The following KIF23 variants were observed in gnomAD, a reference collection of about 807,000 sequenced individuals.
KIF23 encodes kinesin family member 23.
A neutral mutation model predicts 137.5 loss-of-function variants in KIF23; 30 were observed. The observed-to-expected ratio is 0.22, with a 90% CI of 0.16 to 0.30. The LOEUF (loss-of-function observed/expected upper bound fraction) is 0.30. KIF23 is among the 10% of genes least tolerant of loss of function. The pLI is 1.00. For missense variants in KIF23, 920 were observed against 1,194.3 expected, an observed-to-expected ratio of 0.77 and a Z score of 3.38; for synonymous variants, 367 against 391.1, an observed-to-expected ratio of 0.94 and a Z score of 0.73.
chr15:69,422,290 C>A (rs368234501), intron 5 of KIF23, 36 bp from the exon 6 acceptor site: 1 of 1,438,768 alleles, frequency 7.0e-7, no homozygotes, highest in Non-Finnish European at 9.6e-7. Flanking sequence ...TTCTAAAAAA[C>A]GTGGTGTGAT....
In KIF23 at chr15:69,426,091, T is replaced by A. The variant is rs375763515; in HGVS notation, c.798T>A (p.Leu266=). ...TDFVPPQSKL[L]REDKNHNMYV... Reference sequence around the variant, plus strand: ...ATAGACCTCCACAATCTAAATTGCTTCGTGAAGATAAGAACCATAACATGT... The same window carrying A: ...ATAGACCTCCACAATCTAAATTGCTACGTGAAGATAAGAACCATAACATGT... The change falls in exon 9 of 24, where the codon CTT becomes CTA. Residue 266 remains leucine, a synonymous_variant. Transcript: ENST00000679126. 1.0e-4 allele frequency: 165 copies of A among 1,590,936 alleles called. No homozygotes were observed. The highest frequency in any genetic ancestry group is 1.4e-4 in the Admixed American group (7 of 51,446).
chr15:69,447,509 A>G (rs910222619), intron 23 of KIF23, among the ~76,000 whole-genome samples: 1 of 152,162 alleles, frequency 6.6e-6, no homozygotes, highest in African/African-American at 2.4e-5. Context: ...CACATGTTAT[A>G]TACATATATG....
chr15:69,433,413 G>A (rs1055222709), intron 11 of KIF23, among the ~76,000 whole-genome samples: 11 of 152,180 alleles, frequency 7.2e-5, no homozygotes, highest in African/African-American at 2.2e-4. Flanking sequence ...AAATAAGAGT[G>A]GTCAGAAGTA....
chr15:69,447,158 A>G (rs546011799), intron 23 of KIF23, among the ~76,000 whole-genome samples: 2 of 152,358 alleles, frequency 1.3e-5, no homozygotes, highest in African/African-American at 4.8e-5. Context: ...CAGAGCTGCA[A>G]GGCAGGCGGT....
intron 10 of KIF23, among the ~76,000 whole-genome samples, chr15:69,427,194 T>A (rs1472823852): frequency 6.6e-6 from 1 of 152,086 alleles, no homozygotes; most frequent in African/African-American, 2.4e-5. Context: ...AGGATGTGCA[T>A]AGGTCATATG....
intron 4 of KIF23, 70 bp downstream of exon 4, chr15:69,421,822 T>C: frequency 1.5e-6 from 2 of 1,323,948 alleles, no homozygotes; most frequent in South Asian, 2.5e-5. Flanking sequence ...TTTTTTGATA[T>C]TTATATATTT....
intron 15 of KIF23, 93 bp downstream of exon 15, chr15:69,436,815 C>A: frequency 1.3e-6 from 1 of 779,158 alleles, no homozygotes; most frequent in Non-Finnish European, 1.8e-6. Flanking sequence ...AGTGCAGTGG[C>A]ACAATCTCGG....
Position 69,444,901 on chromosome 15 carries a change from G to A in KIF23, c.2533G>A (p.Glu845Lys). ...DHKPASNMQT[E>K]TVMQPHVPHA... ...TAAGCCCGCCTCTAACATGCAAACTGAAACAGTCATGCAGCCACATGTCCC... is the reference window on the plus strand; with the variant it reads ...TAAGCCCGCCTCTAACATGCAAACTAAAACAGTCATGCAGCCACATGTCCC... Residue 845 changes from glutamate to lysine, a missense_variant, in exon 20 of 24, where the codon GAA becomes AAA. Transcript: ENST00000679126. The surrounding 1 kb of genome is among the most constrained non-coding windows in gnomAD (Gnocchi z 4.2). The A allele has an allele frequency of 6.2e-7, 1 of 1,614,166 alleles. No homozygotes were observed. The highest frequency in any genetic ancestry group is 8.5e-7 in the Non-Finnish European group (1 of 1,180,036).
intron 20 of KIF23, among the ~76,000 whole-genome samples, chr15:69,445,381 A>AAAAAAC (rs1207795622): frequency 6.6e-6 from 1 of 152,162 alleles, no homozygotes; most frequent in Non-Finnish European, 1.5e-5. Flanking sequence ...GTTCAAGATA[A>AAAAAAC]AAAAACAAAA....
At chr15:69,437,689 G>GAC (rs2057517051) in intron 15 of KIF23, among the ~76,000 whole-genome samples, 7 of 152,094 alleles carry the variant, frequency 4.6e-5, no homozygotes, top group African/African-American at 1.4e-4. Flanking sequence ...TCAAACTCCT[G>GAC]ACATCGTGAT....
intron 19 of KIF23, among the ~76,000 whole-genome samples, chr15:69,443,244 T>C (rs1053032404): frequency 6.6e-6 from 1 of 151,988 alleles, no homozygotes; most frequent in South Asian, 2.1e-4. Flanking sequence ...CATTTTGAAA[T>C]TGAGGTCTTC....
chr15:69,428,845 A>G (rs2057280344), intron 10 of KIF23, among the ~76,000 whole-genome samples: 3 of 152,092 alleles, frequency 2.0e-5, no homozygotes, highest in African/African-American at 4.8e-5. Flanking sequence ...TAAGGTAGTA[A>G]AAGACAGAGT....
At chr15:69,441,119 T>G (rs201366467) in intron 19 of KIF23, 40 bp downstream of exon 19, 1 of 1,504,072 alleles carries the variant, frequency 6.6e-7, no homozygotes, top group East Asian at 2.3e-5. Context: ...TAGCAATAGA[T>G]TTTATCTTCT....
intron 1 of KIF23, chr15:69,415,071 A>G (rs1238420203): frequency 1.3e-5 from 2 of 152,246 alleles, no homozygotes; most frequent in African/African-American, 4.8e-5. Context: ...CTCCGCCCAC[A>G]TTCCTAAGCT....
At chr15:69,429,962 A>G (rs550531874) in intron 11 of KIF23, among the ~76,000 whole-genome samples, 15 of 152,224 alleles carry the variant, frequency 9.9e-5, no homozygotes, top group African/African-American at 3.6e-4. Context: ...GACTGCAGCA[A>G]TCCCTGATCT....
Position 69,446,276 on chromosome 15 carries a change from T to C in KIF23, c.2757-7T>C. 4 of 1,613,566 alleles carry C rather than the reference T, an allele frequency of 2.5e-6. No individual in the cohort carries two copies. In the East Asian group the frequency reaches 8.9e-5, roughly 36 times the overall value. On this transcript the variant is annotated splice_polypyrimidine_tract_variant and splice_region_variant and intron_variant, in intron 21 of 23. Transcript: ENST00000679126. ...ATAATTGTTGCATCATGTTTCCCCT[T>C]TTTCAGTAGTCGAAAACGAAGATCT...
At chr15:69,441,227 T>TA (rs1276393850) in intron 19 of KIF23, 148 bp downstream of exon 19, 1 of 787,510 alleles carries the variant, frequency 1.3e-6, no homozygotes, top group Non-Finnish European at 2.0e-6. Context: ...AAGATTGACT[T>TA]ACGGAAATTG....
At position 69,444,621 on chromosome 15, in the gene KIF23, G is replaced by A. The variant is rs1432197239; in HGVS notation, c.2422-169G>A. On this transcript the variant is annotated intron_variant, in intron 19 of 23. Transcript: ENST00000679126. This position sits in a 1 kb window ranked among gnomAD's most constrained non-coding sequence, Gnocchi z 4.2. ...GTGTAACATACAAGTTGGTGTTAAAGATGTTTGTTGGTTTTGTGTTTAAAT... is the reference window on the plus strand; with the variant it reads ...GTGTAACATACAAGTTGGTGTTAAAAATGTTTGTTGGTTTTGTGTTTAAAT... 1.5e-6 allele frequency: 1 copy of A among 646,482 alleles called. No individual in the cohort carries two copies. Among genetic ancestry groups the A allele is most frequent in the Non-Finnish European group, 2.6e-6 (1 of 389,380 alleles). The allele number at this position is 646,482 out of a possible 1,614,324, so 40.0% of individuals were successfully genotyped here.
At chr15:69,424,358 G>A (rs1595987663) in intron 7 of KIF23, among the ~76,000 whole-genome samples, 1 of 152,156 alleles carries the variant, frequency 6.6e-6, no homozygotes. Context: ...TTATGCCAAG[G>A]AAGACTCTTT....
Sources: gnomAD v4.1 joint callset for allele counts (sites outside exome capture counted in the v4.1 genomes callset) on GRCh38, gnomAD v4.1.1 for gene constraint, Gnocchi (gnomAD v3.1) non-coding constraint, MANE v1.5 for transcripts, NCBI Gene and HGNC (gene_info 2026-07-23, HGNC 2026-07-21) for gene names.